Variants in KATNIP observed in about 807,000 individuals in gnomAD.
KATNIP encodes katanin interacting protein.
Under a neutral mutation model 174.0 loss-of-function variants are expected in KATNIP, and 126 were observed. The observed-to-expected ratio is 0.72, with a 90% confidence interval of 0.63 to 0.84. KATNIP has a LOEUF of 0.84. Ranked by LOEUF, KATNIP falls within the 40% of genes least tolerant of loss-of-function variation. KATNIP has a pLI of 0.00. For missense variants in KATNIP, 1,958 were observed against 2,109.7 expected (o/e 0.93, Z 1.41); for synonymous variants, 810 against 835.7 (o/e 0.97, Z 0.53).
intron 14 of KATNIP, among the ~76,000 whole-genome samples, chr16:27,728,149 G>A (rs543862242): frequency 1.2e-4 from 18 of 152,386 alleles, no homozygotes; most frequent in African/African-American, 3.6e-4. Flanking sequence ...GTGGGGGCCC[G>A]GGAAGTATGA....
intron 5 of KATNIP, among the ~76,000 whole-genome samples, chr16:27,633,662 A>T (rs75182982): frequency 0.022 from 3,331 of 152,176 alleles, 139 homozygotes; most frequent in African/African-American, 0.076. Flanking sequence ...CACTGTACTA[A>T]ATGTATGGGT....
intron 16 of KATNIP, 105 bp from the exon 17 acceptor site, chr16:27,751,614 G>T (rs1354945809): frequency 1.0e-6 from 1 of 1,003,220 alleles, no homozygotes; most frequent in East Asian, 2.4e-5. Context: ...CCAGTTAAGG[G>T]TGTGGGGTTG....
At position 27,775,013 on chromosome 16, in the gene KATNIP, A is replaced by G; in HGVS notation, c.4378A>G (p.Lys1460Glu). Residue 1460 changes from lysine to glutamate, a missense_variant, in exon 24 of 28, where the codon AAG becomes GAG. By Grantham distance (56) the Lys-to-Glu change is moderately conservative (BLOSUM62 1). Coordinates refer to ENST00000261588, the MANE Select transcript of KATNIP (RefSeq NM_015202.5). ...GGGCGGGGACGTCCGCACCCCAGACAAGCTCATCGACCAAGTGAACGACAC... is the reference window on the plus strand; with the variant it reads ...GGGCGGGGACGTCCGCACCCCAGACGAGCTCATCGACCAAGTGAACGACAC... ...GVGGDVRTPD[K>E]LIDQVNDTSD... The G allele has an allele frequency of 6.2e-7, 1 of 1,613,688 alleles. No homozygotes were observed. The highest frequency in any genetic ancestry group is 8.5e-7 in the Non-Finnish European group (1 of 1,179,882).
intron 14 of KATNIP, among the ~76,000 whole-genome samples, chr16:27,724,118 A>T (rs1274361274): frequency 1.3e-5 from 2 of 152,168 alleles, no homozygotes; most frequent in Admixed American, 1.3e-4. Context: ...TTCTCTGGGC[A>T]TGTCTCTGCT....
chr16:27,655,885 G>A (rs1355643613), intron 6 of KATNIP, among the ~76,000 whole-genome samples: 2 of 152,176 alleles, frequency 1.3e-5, no homozygotes, highest in African/African-American at 4.8e-5. Context: ...GCCACAGTCT[G>A]TTGTGAATAT....
At chr16:27,565,884 A>G (rs2141634888) in intron 1 of KATNIP, among the ~76,000 whole-genome samples, 1 of 152,056 alleles carries the variant, frequency 6.6e-6, no homozygotes, top group East Asian at 1.9e-4. Flanking sequence ...TAGAGGCCTG[A>G]TTTTTTTAGC....
chr16:27,593,205 C>G (rs1170304402), intron 2 of KATNIP, among the ~76,000 whole-genome samples: 1 of 151,424 alleles, frequency 6.6e-6, no homozygotes, highest in Non-Finnish European at 1.5e-5. Context: ...GTAGCCAGAT[C>G]TGCCCTAAAC....
intron 2 of KATNIP, among the ~76,000 whole-genome samples, chr16:27,612,355 A>G (rs2075915041): frequency 6.6e-6 from 1 of 152,198 alleles, no homozygotes; most frequent in African/African-American, 2.4e-5. Flanking sequence ...TTCAGAGACC[A>G]TATGACTGTA....
intron 6 of KATNIP, among the ~76,000 whole-genome samples, chr16:27,656,951 TA>T (rs142304780): frequency 4.0e-5 from 6 of 149,230 alleles, no homozygotes; most frequent in Admixed American, 1.3e-4. Flanking sequence ...AAAAAAATCC[TA>T]AAAAAAAACA....
At chr16:27,588,621 G>T (rs2090992742) in intron 2 of KATNIP, among the ~76,000 whole-genome samples, 4 of 151,786 alleles carry the variant, frequency 2.6e-5, no homozygotes, top group South Asian at 2.1e-4. Flanking sequence ...ACCATGCCTG[G>T]CTCCATCCAT....
intron 2 of KATNIP, among the ~76,000 whole-genome samples, chr16:27,605,103 T>A (rs1321319632): frequency 6.6e-6 from 1 of 152,086 alleles, no homozygotes; most frequent in African/African-American, 2.4e-5. Context: ...TAATTTTTTA[T>A]ATTTTTTTTA....
chr16:27,676,086 T>A (rs950926855), intron 6 of KATNIP, among the ~76,000 whole-genome samples: 1 of 152,230 alleles, frequency 6.6e-6, no homozygotes, highest in African/African-American at 2.4e-5. Flanking sequence ...AATTGCCAAG[T>A]CCTGGTTCCC....
chr16:27,683,997 C>T (rs555676224), intron 8 of KATNIP, among the ~76,000 whole-genome samples: 113 of 152,274 alleles, frequency 7.4e-4, no homozygotes, highest in Non-Finnish European at 9.1e-4. Context: ...CGGTGGTGGT[C>T]GTGTACCTTT....
At chr16:27,603,231 G>T (rs1199378227) in intron 2 of KATNIP, among the ~76,000 whole-genome samples, 2 of 152,344 alleles carry the variant, frequency 1.3e-5, no homozygotes, top group South Asian at 2.1e-4. Context: ...ATGATGGCTG[G>T]CAATCATTGA....
At chr16:27,614,981 C>A (rs1442799118) in intron 2 of KATNIP, among the ~76,000 whole-genome samples, 1 of 152,098 alleles carries the variant, frequency 6.6e-6, no homozygotes, top group East Asian at 1.9e-4. Context: ...GAGAAAAACC[C>A]AAGACTGGTG....
intron 8 of KATNIP, among the ~76,000 whole-genome samples, chr16:27,683,673 A>C (rs577347347): frequency 2.6e-5 from 4 of 152,294 alleles, no homozygotes; most frequent in African/African-American, 9.6e-5. Context: ...CTTTGGTGAG[A>C]TGGGAGCTGG....
rs184459807 is a variant in KATNIP, at chr16:27,740,766, G to A, written c.2469G>A (p.Lys823=). 2.5e-6 allele frequency: 4 copies of A among 1,614,198 alleles called. No individual in the cohort carries two copies. The South Asian group carries it at 4.4e-5, about 18-fold the overall frequency. Residue 823 remains lysine (K), a synonymous_variant, in exon 15 of 28, where the codon AAG becomes AAA. Transcript: ENST00000261588. ...GGACCAGCCGGAGTGTCAACACCAA[G>A]GAGAGACCCCAGAGGGCAACCACCA... ...GWGTSRSVNT[K]ERPQRATTKV...
At chr16:27,674,396 C>T (rs762202013) in intron 6 of KATNIP, among the ~76,000 whole-genome samples, 14 of 152,194 alleles carry the variant, frequency 9.2e-5, no homozygotes, top group Non-Finnish European at 1.0e-4. Flanking sequence ...AAGGCATTGG[C>T]GGGACTGCAT....
chr16:27,619,098 G>A (rs1310259597), intron 3 of KATNIP, among the ~76,000 whole-genome samples: 1 of 152,196 alleles, frequency 6.6e-6, no homozygotes, highest in African/African-American at 2.4e-5. Flanking sequence ...TTCATTTTCA[G>A]TTCACCGCAG....
Sources: gnomAD v4.1 joint callset for allele counts (sites outside exome capture counted in the v4.1 genomes callset) on GRCh38, gnomAD v4.1.1 for gene constraint, MANE v1.5 for transcripts, NCBI Gene and HGNC (gene_info 2026-07-23, HGNC 2026-07-21) for gene names.